The following SHB variants were observed in gnomAD, a reference collection of about 807,000 sequenced individuals.
SHB encodes SH2 domain-containing adapter protein B.
Under a neutral mutation model 52.3 loss-of-function variants are expected in SHB, and 20 were observed. That is an observed-to-expected ratio of 0.38 (90% CI 0.27 to 0.56). The LOEUF is 0.56. SHB is among the 20% of genes least tolerant of loss of function. The pLI, the probability that SHB is intolerant of heterozygous loss-of-function variation, is 0.71. For synonymous variants in SHB, 397 were observed against 316.5 expected (o/e 1.25, Z -2.70); for missense variants, 825 against 723.3 (o/e 1.14, Z -1.61).
At chr9:37,923,851 C>G (rs1832212926) in intron 5 of SHB, among the ~76,000 whole-genome samples, 1 of 152,226 alleles carries the variant, frequency 6.6e-6, no homozygotes, top group Admixed American at 6.5e-5. Context: ...CCAAGGCGCA[C>G]AGCAAGGCAG....
At chr9:37,984,076 C>T (rs1253067251) in intron 2 of SHB, among the ~76,000 whole-genome samples, 10 of 152,216 alleles carry the variant, frequency 6.6e-5, no homozygotes, top group African/African-American at 1.9e-4. Flanking sequence ...AAGGATGTTA[C>T]GAGGATTAAA....
At chr9:38,065,302 C>A (rs1235201398) in intron 1 of SHB, among the ~76,000 whole-genome samples, 1 of 152,172 alleles carries the variant, frequency 6.6e-6, no homozygotes, top group African/African-American at 2.4e-5. Flanking sequence ...GAGGTAGCCA[C>A]ACACAGATGG....
chr9:38,010,605 C>A (rs1298593059), intron 2 of SHB, among the ~76,000 whole-genome samples: 1 of 152,230 alleles, frequency 6.6e-6, no homozygotes, highest in Non-Finnish European at 1.5e-5. Flanking sequence ...ACAACCCACT[C>A]TACTTGGATC....
At chr9:37,951,357 A>C (rs16934662) in intron 4 of SHB, among the ~76,000 whole-genome samples, 11,250 of 152,280 alleles carry the variant, frequency 0.074, 482 homozygotes, top group South Asian at 0.11. Flanking sequence ...CACAATTAAA[A>C]CACCACAAGT....
intron 4 of SHB, 75 bp downstream of exon 4, chr9:37,955,808 G>A: frequency 1.4e-6 from 2 of 1,429,054 alleles, no homozygotes; most frequent in South Asian, 2.5e-5. Context: ...ATTTTTAAAA[G>A]AAGATGACAT....
intron 1 of SHB, among the ~76,000 whole-genome samples, chr9:38,023,212 A>C (rs1821302367): frequency 6.6e-6 from 1 of 152,222 alleles, no homozygotes; most frequent in Admixed American, 6.5e-5. Context: ...CCAGGCAGGG[A>C]CAGTCCAGGC....
intron 5 of SHB, among the ~76,000 whole-genome samples, chr9:37,937,862 G>A (rs1347562492): frequency 6.6e-6 from 1 of 152,150 alleles, no homozygotes; most frequent in African/African-American, 2.4e-5. Flanking sequence ...GCCTTCCAGA[G>A]GACCTCAGGA....
At chr9:38,008,815 G>A (rs1490514802) in intron 2 of SHB, among the ~76,000 whole-genome samples, 3 of 152,224 alleles carry the variant, frequency 2.0e-5, no homozygotes, top group African/African-American at 4.8e-5. Context: ...GGCCTGGAGA[G>A]GGTGAGAGGC....
intron 2 of SHB, among the ~76,000 whole-genome samples, chr9:37,989,700 G>A (rs1928232): frequency 0.57 from 86,906 of 151,968 alleles, 25,230 homozygotes; most frequent in East Asian, 0.74. Flanking sequence ...TTCCTACCCT[G>A]ATGGCCTTTC....
At chr9:38,016,630 C>T (rs184925788) in intron 1 of SHB, among the ~76,000 whole-genome samples, 23 of 152,312 alleles carry the variant, frequency 1.5e-4, no homozygotes, top group African/African-American at 4.6e-4. Context: ...AACATAACCA[C>T]GCCTTGGGTC....
At chr9:37,966,441 T>C (rs1476527207) in intron 3 of SHB, among the ~76,000 whole-genome samples, 2 of 152,130 alleles carry the variant, frequency 1.3e-5, no homozygotes, top group Admixed American at 6.5e-5. Context: ...ATACGTCAAA[T>C]AGAAAAACCA....
chr9:38,061,102 C>T (rs1821886442), intron 1 of SHB, among the ~76,000 whole-genome samples: 1 of 152,076 alleles, frequency 6.6e-6, no homozygotes, highest in South Asian at 2.1e-4. Context: ...GAGGCCAAGG[C>T]AGACGGATCA....
chr9:37,997,480 G>GTGATCGA (rs1489570833), intron 2 of SHB, among the ~76,000 whole-genome samples: 4 of 152,204 alleles, frequency 2.6e-5, no homozygotes, highest in Admixed American at 1.3e-4. Flanking sequence ...TGGAACCTGA[G>GTGATCGA]TGATCGAAAT....
At chr9:38,040,122 T>C (rs1359577652) in intron 1 of SHB, among the ~76,000 whole-genome samples, 2 of 152,360 alleles carry the variant, frequency 1.3e-5, no homozygotes, top group East Asian at 3.9e-4. Flanking sequence ...AGCCGCTATC[T>C]GCTGTGTGCA....
intron 2 of SHB, among the ~76,000 whole-genome samples, chr9:38,014,184 T>G (rs1305759158): frequency 6.8e-6 from 1 of 147,932 alleles, no homozygotes; most frequent in Non-Finnish European, 1.5e-5. Flanking sequence ...TCCCAATCTG[T>G]AAAATGAGGC....
At chr9:37,987,915 G>A (rs1359769597) in intron 2 of SHB, among the ~76,000 whole-genome samples, 2 of 152,080 alleles carry the variant, frequency 1.3e-5, no homozygotes, top group African/African-American at 2.4e-5. Flanking sequence ...GTCCTCTGCT[G>A]GGGAGGACCT....
intron 1 of SHB, among the ~76,000 whole-genome samples, chr9:38,040,932 A>G (rs549884052): frequency 6.6e-6 from 1 of 152,052 alleles, no homozygotes; most frequent in Non-Finnish European, 1.5e-5. Flanking sequence ...ATAAAGCCAC[A>G]CTGGGGACAC....
intron 1 of SHB, among the ~76,000 whole-genome samples, chr9:38,065,426 C>A (rs924428645): frequency 1.2e-4 from 19 of 152,154 alleles, no homozygotes; most frequent in African/African-American, 4.6e-4. Context: ...ACCATGGTCC[C>A]AGGACCCTCA....
chr9:38,020,491 T>C (rs1821268053), intron 1 of SHB, among the ~76,000 whole-genome samples: 1 of 152,244 alleles, frequency 6.6e-6, no homozygotes, highest in East Asian at 1.9e-4. Context: ...GCCCTGTTCG[T>C]TGAAGTGAAG....
Sources: allele counts gnomAD v4.1 joint callset (sites outside exome capture counted in the v4.1 genomes callset), GRCh38; gene constraint gnomAD v4.1.1; transcripts MANE v1.5; gene names NCBI Gene and HGNC (gene_info 2026-07-23, HGNC 2026-07-21).